The following NTNG1 variants were observed in gnomAD, a reference collection of about 807,000 sequenced individuals.
The protein encoded by NTNG1 is netrin-G1.
Under a neutral mutation model 54.0 loss-of-function variants are expected in NTNG1, and 16 were observed. That is an observed-to-expected ratio of 0.30 (90% CI 0.20 to 0.45). The LOEUF (loss-of-function observed/expected upper bound fraction) is 0.45, where lower values mean the gene tolerates loss of function less well. Ranked by LOEUF, NTNG1 falls within the 20% of genes least tolerant of loss-of-function variation. NTNG1 has a pLI of 1.00. For missense variants in NTNG1, 530 were observed against 678.7 expected (o/e 0.78, Z 2.43); for synonymous variants, 255 against 263.1 (o/e 0.97, Z 0.30).
intron 2 of NTNG1, among the ~76,000 whole-genome samples, chr1:107,170,555 A>T (rs1382007725): frequency 6.6e-6 from 1 of 152,144 alleles, no homozygotes; most frequent in Non-Finnish European, 1.5e-5. Flanking sequence ...TAAATGGCAG[A>T]TTTAGCATCA....
At chr1:107,258,257 G>GT (rs557783183) in intron 2 of NTNG1, among the ~76,000 whole-genome samples, 2,686 of 133,674 alleles carry the variant, frequency 0.02, 74 homozygotes, top group African/African-American at 0.064. Context: ...AGAGTTGTTG[G>GT]TTTTTTTTTT....
intron 2 of NTNG1, among the ~76,000 whole-genome samples, chr1:107,314,921 G>C (rs1386317232): frequency 6.6e-6 from 1 of 152,200 alleles, no homozygotes; most frequent in African/African-American, 2.4e-5. Context: ...TCACGGTGTT[G>C]TTATGAAGAA....
At chr1:107,411,341 G>T (rs1673791055) in intron 5 of NTNG1, among the ~76,000 whole-genome samples, 1 of 152,138 alleles carries the variant, frequency 6.6e-6, no homozygotes. Context: ...AACAAGGGAA[G>T]TGCTACCTGC....
rs906843495 is a variant in NTNG1 at position 107,270,809 on chromosome 1, A to G, written c.247-53473A>G. Among the ~76,000 whole-genome samples, 3 of 147,684 alleles carry G rather than the reference A, an allele frequency of 2.0e-5. No homozygotes were observed. The East Asian group carries it at 6.0e-4, about 30-fold the overall frequency. The stretch of plus-strand genomic sequence containing the variant: ...TTTGAACTTAAAAATTAAGTTTTTC[A>G]TTTATATTACATTTGCTGGAAAGTT... On this transcript the variant is annotated intron_variant, in intron 2 of 7. Transcript: ENST00000370068.
chr1:107,262,034 C>T (rs1050622527), intron 2 of NTNG1, among the ~76,000 whole-genome samples: 1 of 152,100 alleles, frequency 6.6e-6, no homozygotes, highest in Non-Finnish European at 1.5e-5. Flanking sequence ...CTTAAAATAA[C>T]CACAAAACAA....
chr1:107,439,534 G>A (rs1215922594), intron 7 of NTNG1, among the ~76,000 whole-genome samples: 5 of 152,202 alleles, frequency 3.3e-5, no homozygotes, highest in African/African-American at 1.2e-4. Context: ...AGAAAAGAAT[G>A]GAATGGGTTG....
intron 2 of NTNG1, among the ~76,000 whole-genome samples, chr1:107,174,480 A>G (rs1458498397): frequency 6.6e-6 from 1 of 151,890 alleles, no homozygotes. Context: ...GTTCTTCTGT[A>G]GAAGCCATTA....
At chr1:107,245,197 G>C (rs76369488) in intron 2 of NTNG1, among the ~76,000 whole-genome samples, 4,694 of 152,212 alleles carry the variant, frequency 0.031, 224 homozygotes, top group African/African-American at 0.11. Context: ...ACACTATCAG[G>C]CTAATCTGAA....
At chr1:107,410,362 G>T (rs1276366101) in intron 5 of NTNG1, 1 of 152,096 alleles carries the variant, frequency 6.6e-6, no homozygotes, top group Non-Finnish European at 1.5e-5. Context: ...CATGGATAGG[G>T]TGGTCATCCT....
At chr1:107,192,318 C>T (rs1048618156) in intron 2 of NTNG1, among the ~76,000 whole-genome samples, 3 of 151,996 alleles carry the variant, frequency 2.0e-5, no homozygotes, top group Admixed American at 2.0e-4. Context: ...TGCTTTCGAC[C>T]TTCTTTTTAC....
intron 2 of NTNG1, among the ~76,000 whole-genome samples, chr1:107,150,138 A>T (rs1182187053): frequency 6.6e-6 from 1 of 152,120 alleles, no homozygotes; most frequent in African/African-American, 2.4e-5. Flanking sequence ...GAGTGAGAAA[A>T]AGCACTTGGC....
intron 2 of NTNG1, among the ~76,000 whole-genome samples, chr1:107,323,814 C>G (rs1380563046): frequency 1.3e-5 from 2 of 152,070 alleles, no homozygotes; most frequent in African/African-American, 4.8e-5. Context: ...GGGGTATTGT[C>G]TCCCCTACAG....
At chr1:107,327,335 G>A (rs1668019646) in intron 3 of NTNG1, among the ~76,000 whole-genome samples, 1 of 152,096 alleles carries the variant, frequency 6.6e-6, no homozygotes, top group African/African-American at 2.4e-5. Flanking sequence ...ATATAATGAA[G>A]ATCTGCTGAT....
In NTNG1 at chr1:107,420,649, C is replaced by A. The variant is rs573592709; in HGVS notation, c.1088-10101C>A. On this transcript the variant is annotated intron_variant, in intron 5 of 7. Transcript: ENST00000370068. ...TGGGACTGACTTATGTTCTAGGATG[C>A]CTAATTAGTTCAACAAAAATAGTCT... Among the ~76,000 whole-genome samples, 4 of 151,992 alleles carry A rather than the reference C, an allele frequency of 2.6e-5. No homozygotes were observed. The South Asian group carries it at 8.3e-4, about 32-fold the overall frequency.
chr1:107,321,496 C>T (rs959884275), intron 2 of NTNG1, among the ~76,000 whole-genome samples: 1 of 151,906 alleles, frequency 6.6e-6, no homozygotes, highest in African/African-American at 2.4e-5. Flanking sequence ...AGAACTAAAA[C>T]TGGGTTGTAT....
intron 2 of NTNG1, among the ~76,000 whole-genome samples, chr1:107,253,421 C>T (rs1662734330): frequency 6.6e-6 from 1 of 152,212 alleles, no homozygotes; most frequent in African/African-American, 2.4e-5. Flanking sequence ...AGGAATATAT[C>T]TTTATCCTTT....
rs186135448 is a variant in NTNG1 at position 107,335,486 on chromosome 1, C to T, written c.887+10564C>T. ...TGCTGAAACTTTTATGAACATATGT[C>T]TTTATGAAAATAATTGAAGTTCATT... On this transcript the variant is annotated intron_variant, in intron 3 of 7. Coordinates refer to ENST00000370068, the MANE Select transcript of NTNG1 (RefSeq NM_001113226.3). Among the ~76,000 whole-genome samples, 18 of 151,850 alleles carry T rather than the reference C, an allele frequency of 1.2e-4. No individual in the cohort carries two copies. In the South Asian group the frequency reaches 3.7e-3, roughly 32 times the overall value.
chr1:107,311,315 G>C (rs1666999863), intron 2 of NTNG1, among the ~76,000 whole-genome samples: 1 of 152,144 alleles, frequency 6.6e-6, no homozygotes, highest in African/African-American at 2.4e-5. Flanking sequence ...AATAAGGCAA[G>C]ATAGGATTAG....
At chr1:107,390,933 A>T (rs1672319122) in intron 3 of NTNG1, among the ~76,000 whole-genome samples, 1 of 152,198 alleles carries the variant, frequency 6.6e-6, no homozygotes, top group African/African-American at 2.4e-5. Context: ...GCCTTGCCTT[A>T]TGTCATAGGA....
Sources: allele counts gnomAD v4.1 joint callset (sites outside exome capture counted in the v4.1 genomes callset), GRCh38; gene constraint gnomAD v4.1.1; transcripts MANE v1.5; gene names NCBI Gene and HGNC (gene_info 2026-07-23, HGNC 2026-07-21).